Variants in SMYD3 observed in about 807,000 individuals in gnomAD.
SMYD3 encodes histone-lysine N-methyltransferase SMYD3.
SMYD3 carries 36 observed loss-of-function variants against 57.7 expected under a neutral mutation model. The observed-to-expected ratio is 0.62, with a 90% CI of 0.48 to 0.82. The LOEUF (loss-of-function observed/expected upper bound fraction) is 0.82, where lower values mean the gene tolerates loss of function less well. Among genes scored for constraint, SMYD3 ranks in the 40% least tolerant of loss-of-function variants. The pLI, the probability that SMYD3 is intolerant of heterozygous loss-of-function variation, is 0.00. For synonymous variants in SMYD3, 211 were observed against 195.0 expected, an observed-to-expected ratio of 1.08 and a Z score of -0.68; for missense variants, 515 against 538.8, an observed-to-expected ratio of 0.96 and a Z score of 0.44.
At chr1:245,802,606 A>G (rs1206964730) in intron 10 of SMYD3, among the ~76,000 whole-genome samples, 1 of 152,212 alleles carries the variant, frequency 6.6e-6, no homozygotes, top group Admixed American at 6.5e-5. Flanking sequence ...TTCAGGCTAT[A>G]GCCTAGGGCC....
chr1:246,309,692 G>A (rs2065042800), intron 5 of SMYD3, among the ~76,000 whole-genome samples: 1 of 152,116 alleles, frequency 6.6e-6, no homozygotes, highest in African/African-American at 2.4e-5. Flanking sequence ...AAAAGAGGAA[G>A]CCACTTGCTG....
intron 10 of SMYD3, among the ~76,000 whole-genome samples, chr1:245,801,875 T>A (rs980935521): frequency 1.3e-5 from 2 of 150,746 alleles, no homozygotes; most frequent in Non-Finnish European, 3.0e-5. Flanking sequence ...CAACGACACA[T>A]GAATAAAACA....
chr1:245,978,463 T>A (rs1265828579), intron 5 of SMYD3, among the ~76,000 whole-genome samples: 1 of 152,202 alleles, frequency 6.6e-6, no homozygotes, highest in Admixed American at 6.5e-5. Flanking sequence ...CTGATCTGAA[T>A]CCAGAGGTAA....
intron 5 of SMYD3, among the ~76,000 whole-genome samples, chr1:246,319,724 C>G (rs578046433): frequency 1.3e-5 from 2 of 152,100 alleles, no homozygotes; most frequent in African/African-American, 4.8e-5. Context: ...AGCCCACCAA[C>G]AACAATGAAG....
chr1:245,787,046 T>C (rs1282486585), intron 10 of SMYD3, among the ~76,000 whole-genome samples: 1 of 152,264 alleles, frequency 6.6e-6, no homozygotes, highest in East Asian at 1.9e-4. Context: ...GAAAAAATGC[T>C]GGCAAACAGA....
intron 1 of SMYD3, among the ~76,000 whole-genome samples, chr1:246,463,599 C>T (rs532921494): frequency 9.2e-5 from 13 of 140,662 alleles, no homozygotes; most frequent in African/African-American, 3.1e-4. Context: ...GGGCGGATCA[C>T]GAGGTCAGGA....
chr1:246,155,745 C>T (rs1193223549), intron 5 of SMYD3, among the ~76,000 whole-genome samples: 2 of 151,984 alleles, frequency 1.3e-5, no homozygotes, highest in Non-Finnish European at 1.5e-5. Context: ...TTTGGGAGGC[C>T]GAGGCAGGTG....
At chr1:246,063,601 C>T (rs2060290978) in intron 5 of SMYD3, among the ~76,000 whole-genome samples, 1 of 144,740 alleles carries the variant, frequency 6.9e-6, no homozygotes, top group South Asian at 2.4e-4. Context: ...CCCCTCCCCT[C>T]CTCTCCCCTC....
intron 1 of SMYD3, among the ~76,000 whole-genome samples, chr1:246,409,775 T>A (rs2066931298): frequency 6.6e-6 from 1 of 152,150 alleles, no homozygotes; most frequent in African/African-American, 2.4e-5. Flanking sequence ...GCAGTATAGC[T>A]TTTTTCATGA....
intron 1 of SMYD3, among the ~76,000 whole-genome samples, chr1:246,503,244 C>T (rs543903969): frequency 6.6e-6 from 1 of 152,332 alleles, no homozygotes; most frequent in East Asian, 1.9e-4. Context: ...CCAAGTCATC[C>T]TCCTTCCTCC....
At chr1:245,839,536 G>A (rs894133286) in intron 10 of SMYD3, among the ~76,000 whole-genome samples, 3 of 152,024 alleles carry the variant, frequency 2.0e-5, no homozygotes, top group Admixed American at 2.0e-4. Context: ...AGGCGGGGGC[G>A]ACAGTAAGAG....
chr1:246,193,453 C>T (rs757720714), intron 5 of SMYD3, among the ~76,000 whole-genome samples: 3 of 152,178 alleles, frequency 2.0e-5, no homozygotes, highest in Admixed American at 6.5e-5. Flanking sequence ...TTTTACGTAC[C>T]CTTCAATAAA....
chr1:246,129,119 G>T (rs1239083448), intron 5 of SMYD3, among the ~76,000 whole-genome samples: 1 of 151,976 alleles, frequency 6.6e-6, no homozygotes, highest in Non-Finnish European at 1.5e-5. Flanking sequence ...TGTTCATTGC[G>T]ATCCTTCAAA....
At chr1:246,170,334 C>A (rs1286955167) in intron 5 of SMYD3, among the ~76,000 whole-genome samples, 1 of 151,030 alleles carries the variant, frequency 6.6e-6, no homozygotes, top group African/African-American at 2.4e-5. Context: ...TTCCATATTA[C>A]TAAATATGCC....
chr1:245,881,443 C>T (rs2052772495), intron 8 of SMYD3, among the ~76,000 whole-genome samples: 1 of 152,168 alleles, frequency 6.6e-6, no homozygotes, highest in Non-Finnish European at 1.5e-5. Context: ...ATTGTTTAAA[C>T]TACCATGAAA....
chr1:245,911,329 G>A (rs559740842), intron 8 of SMYD3, among the ~76,000 whole-genome samples: 3 of 152,004 alleles, frequency 2.0e-5, no homozygotes, highest in Admixed American at 6.6e-5. Context: ...AACTACAAAC[G>A]CAACTACCAT....
chr1:246,409,752 T>C (rs1477713713), intron 1 of SMYD3, among the ~76,000 whole-genome samples: 4 of 152,234 alleles, frequency 2.6e-5, no homozygotes, highest in African/African-American at 9.6e-5. Context: ...ATTGAATCTG[T>C]AAATTACCTT....
rs59644890 is a variant in SMYD3 at position 245,785,644 on chromosome 1, C to CGAGAGAGA, written c.1077-21503_1077-21496dup. On this transcript the variant is annotated intron_variant, in intron 10 of 11. Coordinates refer to ENST00000490107, the MANE Select transcript of SMYD3 (RefSeq NM_001167740.2). ...ACCTCTCCCCCAGAGAGAGAGCGAG[C>CGAGAGAGA]GAGAGAGAGAGAGAGAGTGCGTGAG... Among the ~76,000 whole-genome samples, 1,456 of 149,470 alleles carry CGAGAGAGA rather than the reference C, an allele frequency of 9.7e-3. 20 individuals are homozygous for CGAGAGAGA. Among genetic ancestry groups the CGAGAGAGA allele is most frequent in the Non-Finnish European group, 8.9e-3 (599 of 67,172 alleles).
chr1:246,088,112 CCTATCTA>C (rs1372203049), intron 5 of SMYD3, among the ~76,000 whole-genome samples: 1 of 152,058 alleles, frequency 6.6e-6, no homozygotes, highest in Admixed American at 6.5e-5. Flanking sequence ...GTAGACTGTC[CCTATCTA>C]CAGCGAGCGC....
Sources: gnomAD v4.1 joint callset for allele counts (sites outside exome capture counted in the v4.1 genomes callset) on GRCh38, gnomAD v4.1.1 for gene constraint, MANE v1.5 for transcripts, NCBI Gene and HGNC (gene_info 2026-07-23, HGNC 2026-07-21) for gene names.